AVEN: variants seen among roughly 807,000 people sequenced by gnomAD.
AVEN encodes apoptosis and caspase activation inhibitor.
AVEN carries 41 observed loss-of-function variants against 38.1 expected under a neutral mutation model. That is an observed-to-expected ratio of 1.08 (90% CI 0.84 to 1.40). AVEN has a LOEUF of 1.40. AVEN is among the 40% of genes most tolerant of loss of function. AVEN has a pLI of 0.00. For missense variants in AVEN, 605 were observed against 438.8 expected (o/e 1.38, Z -3.38); for synonymous variants, 206 against 171.8 (o/e 1.20, Z -1.56).
At chr15:33,952,244 A>G (rs1799459535) in intron 2 of AVEN, among the ~76,000 whole-genome samples, 1 of 151,558 alleles carries the variant, frequency 6.6e-6, no homozygotes, top group Non-Finnish European at 1.5e-5. Context: ...AAAAAGGGGA[A>G]AAAAAATCAC....
chr15:33,888,484 T>TAC (rs1421315224), intron 2 of AVEN, among the ~76,000 whole-genome samples: 1 of 152,072 alleles, frequency 6.6e-6, no homozygotes, highest in Non-Finnish European at 1.5e-5. Context: ...AAAATGCAGG[T>TAC]ACTGTGGGAT....
intron 2 of AVEN, among the ~76,000 whole-genome samples, chr15:33,983,876 G>C (rs1180102986): frequency 6.6e-6 from 1 of 151,548 alleles, no homozygotes; most frequent in African/African-American, 2.4e-5. Context: ...CAACAAGAAA[G>C]GTACATCATC....
intron 2 of AVEN, among the ~76,000 whole-genome samples, chr15:33,974,187 G>C (rs1451015619): frequency 6.6e-6 from 1 of 152,112 alleles, no homozygotes; most frequent in Non-Finnish European, 1.5e-5. Flanking sequence ...AATTGGTCTT[G>C]CTATTAAAAA....
intron 2 of AVEN, among the ~76,000 whole-genome samples, chr15:33,936,795 G>A (rs1221768753): frequency 6.6e-6 from 1 of 152,098 alleles, no homozygotes. Context: ...AATTAAGACC[G>A]TACTATTGGT....
chr15:34,015,115 A>G (rs1011585654), intron 1 of AVEN, among the ~76,000 whole-genome samples: 1 of 152,210 alleles, frequency 6.6e-6, no homozygotes, highest in East Asian at 1.9e-4. Context: ...GAGCAACAAC[A>G]AAGGATCACA....
downstream of AVEN, among the ~76,000 whole-genome samples, chr15:33,863,101 C>T (rs1201267965): frequency 6.6e-6 from 1 of 152,162 alleles, no homozygotes; most frequent in African/African-American, 2.4e-5. Flanking sequence ...CCTTCTGTGC[C>T]TTCCCATGGC....
intron 2 of AVEN, among the ~76,000 whole-genome samples, chr15:33,880,881 T>A (rs1891459093): frequency 6.6e-6 from 1 of 152,006 alleles, no homozygotes; most frequent in African/African-American, 2.4e-5. Context: ...TCATAAACAA[T>A]GACATCCATG....
intron 2 of AVEN, among the ~76,000 whole-genome samples, chr15:33,950,032 TA>T (rs1015637581): frequency 3.3e-5 from 5 of 152,020 alleles, no homozygotes; most frequent in African/African-American, 9.7e-5. Flanking sequence ...TATTTAGCCA[TA>T]AAAAAAGAAG....
chr15:33,864,521 A>G (rs1889760806), downstream of AVEN, among the ~76,000 whole-genome samples: 1 of 152,228 alleles, frequency 6.6e-6, no homozygotes, highest in Admixed American at 6.5e-5. Flanking sequence ...AAATCAGAGT[A>G]CAACGGAGTG....
rs770202417 is a variant in AVEN at position 33,867,561 on chromosome 15, A to G, written c.907T>C (p.Leu303=). 1 of 1,613,932 alleles carries G rather than the reference A, an allele frequency of 6.2e-7. No individual in the cohort carries two copies. The highest frequency in any genetic ancestry group is 1.1e-5 in the South Asian group (1 of 90,976). ...AGGTCCTGAGACGTCTGATCTGGTA[A>G]GATGTTATCTCCCTCTTTTATAGGT... The part of the protein sequence containing the change: ...DAPIKEGDNI[L]PDQTSQDLKS... The change falls in exon 5 of 6, where the codon TTA becomes CTA. Residue 303 remains leucine, a synonymous_variant. Coordinates refer to ENST00000306730, the MANE Select transcript of AVEN (RefSeq NM_020371.3).
At position 33,860,322 on chromosome 15, in the gene AVEN, T is replaced by C. The variant is rs576043019; in HGVS notation, n.2730-1228A>G. On this transcript the variant is annotated intron_variant and non_coding_transcript_variant, in intron 11 of 11. Transcript: ENST00000675287. ...ACTGAACACAAATAGCTAAGCAAAA[T>C]AGGAGACCAACCAGGGAGAAGTAGA... Among the ~76,000 whole-genome samples, 39 of 151,932 alleles carry C rather than the reference T, an allele frequency of 2.6e-4. No homozygotes were observed. The South Asian group carries it at 3.7e-3, about 15-fold the overall frequency.
chr15:33,862,226 G>A (rs1014403452), downstream of AVEN, among the ~76,000 whole-genome samples: 4 of 152,130 alleles, frequency 2.6e-5, no homozygotes, highest in Admixed American at 1.3e-4. Flanking sequence ...CTCATCTTTC[G>A]AGATAGATAG....
At chr15:33,915,455 G>C (rs1364858832) in intron 2 of AVEN, among the ~76,000 whole-genome samples, 1 of 152,172 alleles carries the variant, frequency 6.6e-6, no homozygotes, top group Non-Finnish European at 1.5e-5. Context: ...ACCTGGAGCT[G>C]AGACAAATTT....
intron 2 of AVEN, among the ~76,000 whole-genome samples, chr15:33,891,250 T>C (rs1249797203): frequency 1.3e-5 from 2 of 152,260 alleles, no homozygotes; most frequent in African/African-American, 2.4e-5. Flanking sequence ...GTTTTTATTA[T>C]ACTTTAAGTT....
intron 2 of AVEN, among the ~76,000 whole-genome samples, chr15:33,946,587 G>C (rs907001546): frequency 6.6e-6 from 1 of 152,146 alleles, no homozygotes; most frequent in African/African-American, 2.4e-5. Context: ...TAGCTCAGAT[G>C]TCATGACTGC....
chr15:34,060,783 T>C (rs547047777), intron 5 of AVEN, among the ~76,000 whole-genome samples: 2 of 152,184 alleles, frequency 1.3e-5, no homozygotes, highest in East Asian at 1.9e-4. Flanking sequence ...GGCAGGAGAA[T>C]TGCTTGAACC....
chr15:33,877,930 C>G (rs1329424946), intron 2 of AVEN, among the ~76,000 whole-genome samples: 3 of 152,222 alleles, frequency 2.0e-5, no homozygotes, highest in East Asian at 1.9e-4. Context: ...GCTTGGGCAT[C>G]AGAGCAAGTC....
chr15:33,862,452 C>G (rs1888639864), downstream of AVEN, among the ~76,000 whole-genome samples: 1 of 152,126 alleles, frequency 6.6e-6, no homozygotes, highest in Non-Finnish European at 1.5e-5. Flanking sequence ...AGCTATCCAC[C>G]CACCTTGGCC....
intron 5 of AVEN, among the ~76,000 whole-genome samples, chr15:34,052,380 A>G (rs1430860118): frequency 6.6e-6 from 1 of 152,254 alleles, no homozygotes; most frequent in Non-Finnish European, 1.5e-5. Context: ...ACAGACTCAC[A>G]GCCAATGTCA....
Sources: gnomAD v4.1 joint callset for allele counts (sites outside exome capture counted in the v4.1 genomes callset) on GRCh38, gnomAD v4.1.1 for gene constraint, MANE v1.5 for transcripts, NCBI Gene and HGNC (gene_info 2026-07-23, HGNC 2026-07-21) for gene names.